TRAK1: variants seen among roughly 807,000 people sequenced by gnomAD.
The protein encoded by TRAK1 is trafficking kinesin-binding protein 1.
TRAK1 carries 33 observed loss-of-function variants against 92.1 expected under a neutral mutation model. The observed-to-expected ratio is 0.36, with a 90% confidence interval of 0.27 to 0.48. TRAK1 has a LOEUF of 0.48. TRAK1 is among the 20% of genes least tolerant of loss of function. TRAK1 has a pLI of 0.99. For missense variants in TRAK1, 1,123 were observed against 1,257.9 expected, an observed-to-expected ratio of 0.89 and a Z score of 1.62; for synonymous variants, 521 against 517.3, an observed-to-expected ratio of 1.01 and a Z score of -0.10.
intron 1 of TRAK1, among the ~76,000 whole-genome samples, chr3:42,107,401 A>G (rs986418448): frequency 6.6e-6 from 1 of 151,964 alleles, no homozygotes; most frequent in Non-Finnish European, 1.5e-5. Context: ...AGTCCCAGTT[A>G]CTTGGGAGGC....
intron 2 of TRAK1, chr3:42,146,140 G>A: frequency 2.4e-6 from 1 of 418,344 alleles, no homozygotes; most frequent in Middle Eastern, 8.3e-4. Flanking sequence ...TTGTGTCCTT[G>A]GTCTGCAAAC....
chr3:42,161,557 A>C (rs995912303), intron 2 of TRAK1, among the ~76,000 whole-genome samples: 2 of 151,478 alleles, frequency 1.3e-5, no homozygotes, highest in African/African-American at 4.9e-5. Flanking sequence ...CTAATTTTTA[A>C]AATTTTTTGG....
chr3:42,125,753 G>A (rs1178590357), intron 2 of TRAK1, 139 bp downstream of exon 2: 2 of 951,606 alleles, frequency 2.1e-6, no homozygotes, highest in Middle Eastern at 3.4e-4. Flanking sequence ...AAATGCGGCT[G>A]TAGGGGTTAA....
chr3:42,164,842 G>A (rs1701670451), intron 2 of TRAK1, among the ~76,000 whole-genome samples: 1 of 152,222 alleles, frequency 6.6e-6, no homozygotes, highest in African/African-American at 2.4e-5. Context: ...GGGCTGAACT[G>A]CATGAATGAA....
intron 10 of TRAK1, among the ~76,000 whole-genome samples, chr3:42,195,429 C>T (rs1266765071): frequency 6.6e-6 from 1 of 152,202 alleles, no homozygotes; most frequent in East Asian, 1.9e-4. Context: ...TGATGAAATG[C>T]TAAATGCTCT....
intron 1 of TRAK1, among the ~76,000 whole-genome samples, chr3:42,041,743 A>T (rs1702547954): frequency 6.7e-6 from 1 of 150,202 alleles, no homozygotes; most frequent in African/African-American, 2.5e-5. Context: ...TCTTTGATAG[A>T]TACACTGTAT....
upstream of TRAK1, among the ~76,000 whole-genome samples, chr3:42,090,485 A>C (rs1032946441): frequency 1.3e-5 from 2 of 152,220 alleles, no homozygotes; most frequent in East Asian, 3.9e-4. Context: ...CAGGAGTTCA[A>C]GACCAGCCTG....
Position 42,202,962 on chromosome 3 carries a change from A to ACAT in TRAK1, c.1744+211_1744+213dup, listed in dbSNP as rs1401307811. ...CTGGCTGGCAGGTGTGACAATGCAC[A>ACAT]CATAGGCCATGAAACTCGCCGAGGA... On this transcript the variant is annotated intron_variant, in intron 13 of 15. Transcript: ENST00000327628. The surrounding 1 kb of genome is among the most constrained non-coding windows in gnomAD (Gnocchi z 6.1). 11 of 1,365,484 alleles carry ACAT rather than the reference A, an allele frequency of 8.1e-6. No individual in the cohort carries two copies. The highest frequency in any genetic ancestry group is 3.1e-5 in the Admixed American group (1 of 31,858). 84.6% of individuals were successfully genotyped at this position (1,365,484 alleles called of 1,614,324 possible).
At chr3:42,187,988 G>T in intron 4 of TRAK1, 57 bp from the exon 5 acceptor site, 1 of 1,410,070 alleles carries the variant, frequency 7.1e-7, no homozygotes, top group Non-Finnish European at 1.0e-6. Context: ...AATGTGAGTC[G>T]GGGGGGACAG....
At chr3:42,060,405 A>C (rs1703382406) in intron 1 of TRAK1, among the ~76,000 whole-genome samples, 1 of 152,038 alleles carries the variant, frequency 6.6e-6, no homozygotes, top group African/African-American at 2.4e-5. Flanking sequence ...AATAGCAGAT[A>C]CCAAGACCTC....
intron 1 of TRAK1, among the ~76,000 whole-genome samples, chr3:42,016,988 G>A (rs969893393): frequency 3.9e-5 from 6 of 152,120 alleles, no homozygotes; most frequent in East Asian, 1.9e-4. Flanking sequence ...CACTGGCTGC[G>A]GTGGCTCACA....
At chr3:42,220,972 A>G (rs1056052650) in intron 15 of TRAK1, among the ~76,000 whole-genome samples, 1 of 149,984 alleles carries the variant, frequency 6.7e-6, no homozygotes, top group Admixed American at 6.6e-5. Flanking sequence ...ACTAGATGGC[A>G]CTCCTGACTG....
At chr3:42,185,530 A>C (rs1273566296) in intron 4 of TRAK1, among the ~76,000 whole-genome samples, 1 of 152,166 alleles carries the variant, frequency 6.6e-6, no homozygotes, top group Non-Finnish European at 1.5e-5. Context: ...CTGTGGAGTC[A>C]GATGGGGTTG....
At position 42,202,894 on chromosome 3, in the gene TRAK1, TC is replaced by T. The variant is rs750600034; in HGVS notation, c.1744+144del. Reference sequence around the variant, plus strand: ...AGCCACCCGCGCTGCTGGTTTGAGTTCCTCTGAGGGTGGTGCTCAGCCTAGG... The same window carrying T: ...AGCCACCCGCGCTGCTGGTTTGAGTTCTCTGAGGGTGGTGCTCAGCCTAGG... On this transcript the variant is annotated intron_variant, in intron 13 of 15. Transcript: ENST00000327628. The surrounding 1 kb of genome is among the most constrained non-coding windows in gnomAD (Gnocchi z 6.1). 4.4e-4 allele frequency: 643 copies of T among 1,451,852 alleles called. No homozygotes were observed. The highest frequency in any genetic ancestry group is 5.6e-4 in the Non-Finnish European group (616 of 1,100,280). 89.9% of individuals were successfully genotyped at this position (1,451,852 alleles called of 1,614,324 possible).
At chr3:42,048,458 G>T (rs1239265182) in intron 1 of TRAK1, among the ~76,000 whole-genome samples, 1 of 151,974 alleles carries the variant, frequency 6.6e-6, no homozygotes, top group East Asian at 1.9e-4. Flanking sequence ...TCTATTCTGT[G>T]TTCCACCTGC....
intron 14 of TRAK1, among the ~76,000 whole-genome samples, chr3:42,216,235 C>T (rs371333590): frequency 2.2e-4 from 33 of 152,202 alleles, no homozygotes; most frequent in African/African-American, 7.2e-4. Flanking sequence ...CTGGGAGGCC[C>T]GAGCAGCAGC....
intron 1 of TRAK1, among the ~76,000 whole-genome samples, chr3:42,055,418 A>T (rs1218974724): frequency 6.6e-6 from 1 of 152,324 alleles, no homozygotes; most frequent in Middle Eastern, 3.4e-3. Context: ...AAAGTATGGA[A>T]TTCAATGGTT....
At position 42,114,146 on chromosome 3, in the gene TRAK1, A is replaced by C. The variant is rs1055659346; in HGVS notation, c.92-11274A>C. Among the ~76,000 whole-genome samples the C allele has an allele frequency of 3.3e-5, 5 of 152,218 alleles. No individual in the cohort carries two copies. In the South Asian group the frequency reaches 6.2e-4, roughly 19 times the overall value. ...ATATTTTCAAGGTTCACCATGTTGC[A>C]GCGTATATCAGTACTTCATTGCTTA... On this transcript the variant is annotated intron_variant, in intron 1 of 15. Coordinates refer to ENST00000327628, the MANE Select transcript of TRAK1 (RefSeq NM_001042646.3).
chr3:42,184,537 G>A (rs952141435), intron 3 of TRAK1, 148 bp from the exon 4 acceptor site: 1 of 786,098 alleles, frequency 1.3e-6, no homozygotes, highest in African/African-American at 1.7e-5. Context: ...TGTTTTAACA[G>A]GCATCAAATG....
Sources: gnomAD v4.1 joint callset for allele counts (sites outside exome capture counted in the v4.1 genomes callset) on GRCh38, gnomAD v4.1.1 for gene constraint, Gnocchi (gnomAD v3.1) non-coding constraint, MANE v1.5 for transcripts, NCBI Gene and HGNC (gene_info 2026-07-23, HGNC 2026-07-21) for gene names.